RBFOX1: variants seen among roughly 807,000 people sequenced by gnomAD.
RBFOX1 encodes the protein RNA binding protein fox-1 homolog 1.
In RBFOX1, 8 loss-of-function variants were observed where a neutral mutation model predicts 57.7. That is an observed-to-expected ratio of 0.14 (90% CI 0.08 to 0.25). The LOEUF (loss-of-function observed/expected upper bound fraction) is 0.25, where lower values mean the gene tolerates loss of function less well. Ranked by LOEUF, RBFOX1 falls within the 10% of genes least tolerant of loss-of-function variation. RBFOX1 has a pLI of 1.00. For missense variants in RBFOX1, 611 were observed against 548.5 expected, an observed-to-expected ratio of 1.11 and a Z score of -1.14; for synonymous variants, 326 against 222.4, an observed-to-expected ratio of 1.47 and a Z score of -4.15.
intron 4 of RBFOX1, among the ~76,000 whole-genome samples, chr16:6,009,816 C>CTCTGTGTGTGTGTGTGTGTGG (rs1555469438): frequency 6.7e-6 from 1 of 148,418 alleles, no homozygotes; most frequent in Non-Finnish European, 1.5e-5. Context: ...GTGTGTGTGT[C>CTCTGTGTGTGTGTGTGTGTGG]TGTGTGTGTG....
chr16:5,807,539 G>A (rs572213578), intron 3 of RBFOX1, among the ~76,000 whole-genome samples: 95 of 152,292 alleles, frequency 6.2e-4, no homozygotes, highest in African/African-American at 2.2e-3. Context: ...AAACCAGTTT[G>A]CTAATAGGGC....
intron 3 of RBFOX1, among the ~76,000 whole-genome samples, chr16:7,003,179 G>A (rs1179535159): frequency 6.6e-6 from 1 of 152,028 alleles, no homozygotes; most frequent in Non-Finnish European, 1.5e-5. Context: ...GGAGTTTCTG[G>A]GCCAGGCACG....
chr16:5,333,070 C>G (rs926641772), intron 1 of RBFOX1, among the ~76,000 whole-genome samples: 14 of 152,080 alleles, frequency 9.2e-5, no homozygotes, highest in African/African-American at 3.1e-4. Context: ...CACCTGTAGT[C>G]CCAGCTACTC....
At chr16:6,510,979 G>A (rs1272379418) in intron 2 of RBFOX1, among the ~76,000 whole-genome samples, 3 of 152,118 alleles carry the variant, frequency 2.0e-5, no homozygotes, top group Non-Finnish European at 4.4e-5. Context: ...TGTCTCCCAC[G>A]GCAGCATCCA....
chr16:6,829,999 C>T lies in RBFOX1; in HGVS notation c.-16+175349C>T, dbSNP rs537690927. Among the ~76,000 whole-genome samples the T allele has an allele frequency of 9.4e-4, 143 of 152,142 alleles. 1 individual carries two copies. The highest frequency in any genetic ancestry group is 3.4e-3 in the Middle Eastern group (1 of 294). On this transcript the variant is annotated intron_variant, in intron 3 of 15. Coordinates refer to ENST00000550418, the MANE Select transcript of RBFOX1 (RefSeq NM_018723.4). ...TGGTGCAGTCTCAGCTCTCTGCCAC[C>T]TCCGCCTTCTGGGTTCAAGTGATTC...
chr16:5,820,166 G>A (rs2055792418), intron 3 of RBFOX1, among the ~76,000 whole-genome samples: 1 of 152,210 alleles, frequency 6.6e-6, no homozygotes, highest in South Asian at 2.1e-4. Context: ...TATAGATGGA[G>A]GAAGCAGAGC....
chr16:5,548,962 C>T (rs1283587002), intron 2 of RBFOX1, among the ~76,000 whole-genome samples: 1 of 152,180 alleles, frequency 6.6e-6, no homozygotes, highest in Admixed American at 6.5e-5. Context: ...TGAAAATTGT[C>T]TGTTATTAGT....
chr16:7,177,295 GCAAA>G (rs1292056163), intron 4 of RBFOX1, among the ~76,000 whole-genome samples: 1 of 152,064 alleles, frequency 6.6e-6, no homozygotes, highest in African/African-American at 2.4e-5. Flanking sequence ...AGTTCTACAA[GCAAA>G]CAAACAAAAA....
At chr16:5,347,040 T>G (rs897040900) in intron 1 of RBFOX1, among the ~76,000 whole-genome samples, 5 of 152,166 alleles carry the variant, frequency 3.3e-5, no homozygotes, top group Non-Finnish European at 7.4e-5. Flanking sequence ...TTCCTGACTT[T>G]ATCCAGGCCT....
chr16:7,307,354 C>T (rs187530106), intron 4 of RBFOX1, among the ~76,000 whole-genome samples: 1 of 152,164 alleles, frequency 6.6e-6, no homozygotes, highest in African/African-American at 2.4e-5. Flanking sequence ...CAGATTTATC[C>T]ATAAGACAAC....
At chr16:7,148,537 G>T (rs1436518190) in intron 4 of RBFOX1, among the ~76,000 whole-genome samples, 2 of 152,182 alleles carry the variant, frequency 1.3e-5, no homozygotes, top group African/African-American at 2.4e-5. Flanking sequence ...CCGCAGTGCC[G>T]AGTTCCCTGA....
intron 9 of RBFOX1, among the ~76,000 whole-genome samples, chr16:7,605,459 C>G (rs1004626568): frequency 3.9e-5 from 6 of 152,156 alleles, no homozygotes; most frequent in Non-Finnish European, 5.9e-5. Flanking sequence ...AATCTCTATT[C>G]TGAGATCATC....
intron 2 of RBFOX1, among the ~76,000 whole-genome samples, chr16:6,443,872 C>CCATCCA (rs1555476358): frequency 9.3e-4 from 141 of 152,028 alleles, no homozygotes; most frequent in African/African-American, 3.2e-3. Flanking sequence ...CCATCCATCC[C>CCATCCA]TCCATCCATG....
chr16:5,820,610 A>T (rs1292004763), intron 3 of RBFOX1, among the ~76,000 whole-genome samples: 2 of 152,128 alleles, frequency 1.3e-5, no homozygotes, highest in Non-Finnish European at 2.9e-5. Context: ...GGCACCTGAA[A>T]ATGAGCTTGG....
chr16:7,118,120 G>A (rs1195431523), intron 4 of RBFOX1, among the ~76,000 whole-genome samples: 1 of 152,118 alleles, frequency 6.6e-6, no homozygotes, highest in African/African-American at 2.4e-5. Flanking sequence ...GGATCAAATG[G>A]TAGATCTATT....
At chr16:6,207,474 T>C (rs570363495) in intron 1 of RBFOX1, among the ~76,000 whole-genome samples, 1 of 152,192 alleles carries the variant, frequency 6.6e-6, no homozygotes, top group East Asian at 1.9e-4. Flanking sequence ...TGGTTTTTGT[T>C]TTTTCCCTCT....
chr16:7,087,315 G>A (rs1476154591), intron 4 of RBFOX1, among the ~76,000 whole-genome samples: 1 of 152,148 alleles, frequency 6.6e-6, no homozygotes, highest in Non-Finnish European at 1.5e-5. Context: ...AATTCCACCA[G>A]TGGGGCTTCC....
chr16:6,076,096 C>T (rs190838037), intron 1 of RBFOX1, among the ~76,000 whole-genome samples: 1 of 152,228 alleles, frequency 6.6e-6, no homozygotes, highest in East Asian at 1.9e-4. Context: ...TTTGGGGGTT[C>T]AAAACCAGCC....
At position 5,256,940 on chromosome 16, in the gene RBFOX1, GA is replaced by G. The variant is rs545846882; in HGVS notation, c.219+16847del. Among the ~76,000 whole-genome samples the G allele has an allele frequency of 2.7e-3, 367 of 134,340 alleles. 2 individuals are homozygous for G. Among genetic ancestry groups the G allele is most frequent in the African/African-American group, 8.5e-3 (312 of 36,854 alleles). 88.1% of individuals were successfully genotyped at this position (134,340 alleles called of 152,430 possible). The stretch of plus-strand genomic sequence containing the variant: ...CAGAGTGAGGCTCTGTCTGAAAAAA[GA>G]AAAAAAAAAAAGCAAAGTTAACACT... On this transcript the variant is annotated intron_variant, in intron 1 of 2. Coordinates refer to the RBFOX1 transcript ENST00000585867.
Sources: allele counts gnomAD v4.1 joint callset (sites outside exome capture counted in the v4.1 genomes callset), GRCh38; gene constraint gnomAD v4.1.1; transcripts MANE v1.5; gene names NCBI Gene and HGNC (gene_info 2026-07-23, HGNC 2026-07-21).